Variants in FRMPD4 observed in about 807,000 individuals in gnomAD.
The protein encoded by FRMPD4 is FERM and PDZ domain-containing protein 4.
A neutral mutation model predicts 94.1 loss-of-function variants in FRMPD4; 22 were observed. The observed-to-expected ratio is 0.23, with a 90% CI of 0.17 to 0.33. The LOEUF is 0.33. Among genes scored for constraint, FRMPD4 ranks in the 10% least tolerant of loss-of-function variants. The probability of loss-of-function intolerance (pLI) is 1.00; values close to 1 mark genes in which losing one functional copy is unlikely to be tolerated. For synonymous variants in FRMPD4, 631 were observed against 548.6 expected (o/e 1.15, Z -2.10); for missense variants, 1,111 against 1,339.9 (o/e 0.83, Z 2.67).
intron 3 of FRMPD4, among the ~76,000 whole-genome samples, chrX:11,900,081 T>C (rs1298998576): frequency 9.0e-6 from 1 of 111,216 alleles, no homozygotes; most frequent in Non-Finnish European, 1.9e-5. Context: ...TATCCGGGGG[T>C]CTTTTGGTTT....
intron 1 of FRMPD4, among the ~76,000 whole-genome samples, chrX:12,488,015 T>C (rs2057756171): frequency 8.9e-6 from 1 of 112,362 alleles, no homozygotes; most frequent in Non-Finnish European, 1.9e-5. Context: ...GCATTCTAAC[T>C]CTGGGGAAGG....
chrX:12,683,743 G>T (rs1197169561), intron 6 of FRMPD4, among the ~76,000 whole-genome samples, 156 bp downstream of exon 6: 1 of 112,149 alleles, frequency 8.9e-6, no homozygotes, highest in Non-Finnish European at 1.9e-5. Flanking sequence ...TAAAGGGCTT[G>T]AGAGTTCATC....
chrX:12,104,804 A>G lies in FRMPD4; in HGVS notation c.95+226786A>G, dbSNP rs145865240. Among the ~76,000 whole-genome samples the G allele has an allele frequency of 5.2e-3, 586 of 112,033 alleles. 4 individuals carry two copies. Among genetic ancestry groups the G allele is most frequent in the African/African-American group, 0.018 (568 of 30,847 alleles). ...AACTGTTCTCATTTTATAGAGAAGT[A>G]AACAGGGCTTCTAAAGGTTAAATTA... is the stretch of plus-strand genomic sequence containing the variant. On this transcript the variant is annotated intron_variant, in intron 3 of 18. Coordinates refer to the FRMPD4 transcript ENST00000640291.
At chrX:12,042,853 G>A (rs1316742824) in intron 3 of FRMPD4, among the ~76,000 whole-genome samples, 1 of 111,882 alleles carries the variant, frequency 8.9e-6, no homozygotes, top group African/African-American at 3.3e-5. Flanking sequence ...TACTGAGTTT[G>A]CTACTTTTAC....
intron 1 of FRMPD4, among the ~76,000 whole-genome samples, chrX:12,315,383 AT>A (rs765179387): frequency 1.5e-4 from 17 of 112,319 alleles, no homozygotes; most frequent in Non-Finnish European, 2.6e-4. Context: ...AGTAATAATT[AT>A]TCACTGACCA....
chrX:11,935,249 G>GTTT (rs1218353259), intron 3 of FRMPD4, among the ~76,000 whole-genome samples: 16 of 5,348 alleles, frequency 3.0e-3, no homozygotes, highest in East Asian at 0.019. Context: ...TTGTTTTGTT[G>GTTT]TTTTTTTTTT....
At chrX:12,185,066 T>C (rs2147677973) in intron 1 of FRMPD4, among the ~76,000 whole-genome samples, 1 of 111,717 alleles carries the variant, frequency 9.0e-6, no homozygotes, top group Non-Finnish European at 1.9e-5. Context: ...TGATGTGATT[T>C]TTATGGACTG....
chrX:12,311,073 T>C (rs2055023700), intron 1 of FRMPD4, among the ~76,000 whole-genome samples: 1 of 112,262 alleles, frequency 8.9e-6, no homozygotes, highest in African/African-American at 3.2e-5. Flanking sequence ...CCTTGTCTAT[T>C]TTTTTGGTTG....
At chrX:12,222,966 T>C (rs1409791623) in intron 1 of FRMPD4, among the ~76,000 whole-genome samples, 5 of 112,289 alleles carry the variant, frequency 4.5e-5, no homozygotes. Context: ...TGCATAGAAA[T>C]CTTTGTGTGG....
chrX:11,849,311 G>A (rs1354775303), intron 1 of FRMPD4, among the ~76,000 whole-genome samples: 1 of 111,367 alleles, frequency 9.0e-6, no homozygotes, highest in African/African-American at 3.3e-5. Flanking sequence ...ACAAATAAAT[G>A]GGAGATTTAA....
At chrX:11,942,369 C>T (rs1301667469) in intron 3 of FRMPD4, among the ~76,000 whole-genome samples, 1 of 109,506 alleles carries the variant, frequency 9.1e-6, no homozygotes, top group Admixed American at 9.7e-5. Context: ...ACCACTGTGC[C>T]CAGCTATGTT....
chrX:12,626,880 C>A (rs745526771), intron 4 of FRMPD4, among the ~76,000 whole-genome samples: 3 of 109,905 alleles, frequency 2.7e-5, no homozygotes, highest in Non-Finnish European at 3.8e-5. Context: ...CAAATCAGAT[C>A]ATGTTCCAGG....
At chrX:12,701,819 C>T in intron 9 of FRMPD4, 55 bp from the exon 10 acceptor site, 1 of 1,174,801 alleles carries the variant, frequency 8.5e-7, no homozygotes, top group Non-Finnish European at 1.2e-6. Context: ...TCTGTAAGTC[C>T]ACGCGCTGCG....
intron 1 of FRMPD4, among the ~76,000 whole-genome samples, chrX:12,312,343 C>T (rs1250106583): frequency 9.8e-6 from 1 of 101,854 alleles, no homozygotes; most frequent in African/African-American, 3.7e-5. Flanking sequence ...AGCTCTGCCT[C>T]CCAGGTTCAT....
At chrX:12,075,582 A>G (rs933162446) in intron 3 of FRMPD4, among the ~76,000 whole-genome samples, 19 of 112,493 alleles carry the variant, frequency 1.7e-4, no homozygotes, top group African/African-American at 5.8e-4. Flanking sequence ...TGTCTGCGGT[A>G]CTGCAGTCAG....
intron 11 of FRMPD4, among the ~76,000 whole-genome samples, chrX:12,706,608 C>T (rs989638577): frequency 9.0e-6 from 1 of 111,729 alleles, no homozygotes; most frequent in African/African-American, 3.3e-5. Context: ...ACATTGACCC[C>T]CTAATAAATA....
intron 1 of FRMPD4, among the ~76,000 whole-genome samples, chrX:12,481,041 C>G (rs1027327527): frequency 9.0e-6 from 1 of 111,262 alleles, no homozygotes; most frequent in Non-Finnish European, 1.9e-5. Flanking sequence ...GTAGTAATAC[C>G]CAATACCTTT....
intron 2 of FRMPD4, among the ~76,000 whole-genome samples, chrX:12,604,871 T>G (rs1328946601): frequency 9.0e-6 from 1 of 111,604 alleles, no homozygotes; most frequent in Admixed American, 9.5e-5. Context: ...TGTGTCCATG[T>G]GTTCTCATCA....
At chrX:12,392,433 C>T (rs1032388689) in intron 1 of FRMPD4, among the ~76,000 whole-genome samples, 1 of 105,839 alleles carries the variant, frequency 9.4e-6, no homozygotes, top group African/African-American at 3.4e-5. Context: ...GGCAGATCAC[C>T]TGAGTTCAGG....
Sources: allele counts gnomAD v4.1 joint callset (sites outside exome capture counted in the v4.1 genomes callset), GRCh38; gene constraint gnomAD v4.1.1; transcripts MANE v1.5; gene names NCBI Gene and HGNC (gene_info 2026-07-23, HGNC 2026-07-21).